The following EXT1 variants were observed in gnomAD, a reference collection of about 807,000 sequenced individuals.
EXT1 encodes the protein exostosin-1.
A neutral mutation model predicts 82.5 loss-of-function variants in EXT1; 20 were observed. That is an observed-to-expected ratio of 0.24 (90% CI 0.17 to 0.35). The LOEUF (loss-of-function observed/expected upper bound fraction) is 0.35. EXT1 is among the 10% of genes least tolerant of loss of function. The pLI is 1.00. For synonymous variants in EXT1, 348 were observed against 350.8 expected (o/e 0.99, Z 0.09); for missense variants, 757 against 936.5 (o/e 0.81, Z 2.50).
At chr8:117,847,374 ATT>A (rs1235425115) in intron 1 of EXT1, among the ~76,000 whole-genome samples, 1 of 152,144 alleles carries the variant, frequency 6.6e-6, no homozygotes, top group Non-Finnish European at 1.5e-5. Context: ...CCTTTTGTAC[ATT>A]TTAAAATCCC....
chr8:117,907,257 G>C (rs961963196), intron 1 of EXT1, among the ~76,000 whole-genome samples: 2 of 152,192 alleles, frequency 1.3e-5, no homozygotes, highest in Non-Finnish European at 2.9e-5. Flanking sequence ...GTCCATCTAA[G>C]AGTTTAGCAA....
intron 1 of EXT1, among the ~76,000 whole-genome samples, chr8:117,994,223 A>G (rs1244945605): frequency 6.6e-6 from 1 of 152,184 alleles, no homozygotes; most frequent in Non-Finnish European, 1.5e-5. Flanking sequence ...ATACGTCATC[A>G]TCATAAGAAG....
intron 1 of EXT1, among the ~76,000 whole-genome samples, chr8:117,868,939 C>T (rs1251343669): frequency 6.6e-6 from 1 of 152,192 alleles, no homozygotes; most frequent in Admixed American, 6.5e-5. Flanking sequence ...AGCCAGCCCT[C>T]AACAGGCTGC....
intron 1 of EXT1, among the ~76,000 whole-genome samples, chr8:117,899,632 T>C (rs1486891044): frequency 6.6e-6 from 1 of 152,098 alleles, no homozygotes; most frequent in Non-Finnish European, 1.5e-5. Flanking sequence ...GTTCAACAGC[T>C]ACATAAATCT....
At chr8:118,000,969 A>C (rs893853352) in intron 1 of EXT1, among the ~76,000 whole-genome samples, 1 of 152,204 alleles carries the variant, frequency 6.6e-6, no homozygotes, top group African/African-American at 2.4e-5. Context: ...GAGAAAAATA[A>C]TTCCCCATTG....
At chr8:117,838,205 C>T (rs572313907) in intron 1 of EXT1, among the ~76,000 whole-genome samples, 2 of 152,282 alleles carry the variant, frequency 1.3e-5, no homozygotes, top group Non-Finnish European at 2.9e-5. Flanking sequence ...TCTCATTTTT[C>T]AAGAGCTTCC....
chr8:118,110,055 T>C (rs964051227), intron 1 of EXT1, 30 bp downstream of exon 1: 2 of 1,613,012 alleles, frequency 1.2e-6, no homozygotes, highest in Non-Finnish European at 1.7e-6. Context: ...CAAGGCTGAC[T>C]CCCAAAGACA....
At chr8:117,867,523 G>A (rs778699671) in intron 1 of EXT1, among the ~76,000 whole-genome samples, 12 of 152,100 alleles carry the variant, frequency 7.9e-5, no homozygotes, top group Non-Finnish European at 1.8e-4. Context: ...GGATTAACTA[G>A]CTCATTCCAA....
At chr8:118,106,559 A>G (rs186859649) in intron 1 of EXT1, among the ~76,000 whole-genome samples, 3 of 152,336 alleles carry the variant, frequency 2.0e-5, no homozygotes, top group Admixed American at 1.3e-4. Context: ...ATTGCACACA[A>G]TCTTGCCTGT....
chr8:118,010,867 C>T (rs958653071), intron 1 of EXT1, among the ~76,000 whole-genome samples: 4 of 152,236 alleles, frequency 2.6e-5, no homozygotes, highest in Non-Finnish European at 5.9e-5. Context: ...CCGTGGCAGA[C>T]GCTCTGGGTG....
At chr8:117,844,883 G>T (rs1174574970) in intron 1 of EXT1, among the ~76,000 whole-genome samples, 5 of 149,776 alleles carry the variant, frequency 3.3e-5, no homozygotes, top group East Asian at 2.0e-4. Context: ...ACTCAAGACA[G>T]TTTTTTGCCT....
intron 1 of EXT1, among the ~76,000 whole-genome samples, chr8:118,012,298 G>C (rs147501375): frequency 6.6e-6 from 1 of 152,366 alleles, no homozygotes; most frequent in East Asian, 1.9e-4. Context: ...ACACAGGACA[G>C]AGTTTCTTCC....
At chr8:118,059,124 C>G (rs186083854) in intron 1 of EXT1, among the ~76,000 whole-genome samples, 48 of 152,324 alleles carry the variant, frequency 3.2e-4, no homozygotes, top group Non-Finnish European at 1.5e-5. Context: ...CTGGCCAAGG[C>G]AGAGGTTCCA....
At chr8:117,997,495 T>C (rs925707043) in intron 1 of EXT1, among the ~76,000 whole-genome samples, 1 of 151,992 alleles carries the variant, frequency 6.6e-6, no homozygotes, top group Non-Finnish European at 1.5e-5. Context: ...ATCATGAATA[T>C]AGACCAGGGT....
At chr8:118,094,972 T>G (rs1036801070) in intron 1 of EXT1, among the ~76,000 whole-genome samples, 19 of 152,206 alleles carry the variant, frequency 1.2e-4, no homozygotes, top group Admixed American at 1.1e-3. Flanking sequence ...TTGGAGTCAG[T>G]TGAACACCAT....
At chr8:118,031,354 G>A (rs1330786018) in intron 1 of EXT1, among the ~76,000 whole-genome samples, 4 of 151,936 alleles carry the variant, frequency 2.6e-5, no homozygotes, top group Admixed American at 1.3e-4. Context: ...GCGAAACCCC[G>A]TCTCTACTAC....
intron 1 of EXT1, among the ~76,000 whole-genome samples, chr8:117,909,146 A>G (rs1813598549): frequency 1.3e-5 from 2 of 152,118 alleles, no homozygotes; most frequent in African/African-American, 4.8e-5. Flanking sequence ...AAAAAAGAGA[A>G]AAGCTGCTAT....
At chr8:117,876,573 T>G (rs543506719) in intron 1 of EXT1, among the ~76,000 whole-genome samples, 111 of 152,282 alleles carry the variant, frequency 7.3e-4, no homozygotes, top group Middle Eastern at 3.4e-3. Context: ...GAAAAAAGAA[T>G]TTTCTACCTG....
intron 1 of EXT1, among the ~76,000 whole-genome samples, chr8:118,057,783 G>T (rs1816818655): frequency 6.6e-6 from 1 of 151,840 alleles, no homozygotes; most frequent in African/African-American, 2.4e-5. Context: ...AGACCATCAT[G>T]GCCAACATGG....
Sources: allele counts gnomAD v4.1 joint callset (sites outside exome capture counted in the v4.1 genomes callset), GRCh38; gene constraint gnomAD v4.1.1; transcripts MANE v1.5; gene names NCBI Gene and HGNC (gene_info 2026-07-23, HGNC 2026-07-21).